The following CTCF variants were observed in gnomAD, a reference collection of about 807,000 sequenced individuals.
CTCF encodes the protein CCCTC-binding factor, also known as transcriptional repressor CTCF.
In CTCF, 7 loss-of-function variants were observed where a neutral mutation model predicts 72.3. The ratio of observed to expected loss-of-function variants is 0.10; its 90% CI spans 0.06 to 0.18. The LOEUF is 0.18. Ranked by LOEUF, CTCF falls within the 10% of genes least tolerant of loss-of-function variation. The probability of loss-of-function intolerance (pLI) is 1.00; values close to 1 mark genes in which losing one functional copy is unlikely to be tolerated. For synonymous variants in CTCF, 374 were observed against 315.8 expected (o/e 1.18, Z -1.95); for missense variants, 516 against 949.1 (o/e 0.54, Z 6.00).
chr16:67,577,429 A>C (rs901484222), intron 2 of CTCF, among the ~76,000 whole-genome samples: 5 of 146,808 alleles, frequency 3.4e-5, no homozygotes, highest in Non-Finnish European at 7.4e-5. Flanking sequence ...AGTAATGTCT[A>C]GACTTCTTTT....
chr16:67,628,348 CT>C, intron 8 of CTCF, 21 bp from the exon 9 acceptor site: 1 of 1,607,618 alleles, frequency 6.2e-7, no homozygotes, highest in Non-Finnish European at 8.5e-7. Context: ...GCTCTGAGGC[CT>C]TTCCCCCTAT....
intron 2 of CTCF, among the ~76,000 whole-genome samples, chr16:67,605,692 A>G (rs1416137743): frequency 6.6e-6 from 1 of 152,234 alleles, no homozygotes; most frequent in Non-Finnish European, 1.5e-5. Flanking sequence ...TTTAAGTGCT[A>G]AACTGTGTCC....
At chr16:67,577,126 G>A (rs1157589685) in intron 2 of CTCF, among the ~76,000 whole-genome samples, 1 of 151,894 alleles carries the variant, frequency 6.6e-6, no homozygotes, top group African/African-American at 2.4e-5. Flanking sequence ...TCTGATAAAG[G>A]TAATGAAATG....
At position 67,628,402 on chromosome 16, in the gene CTCF, C is replaced by T; in HGVS notation, c.1551C>T (p.His517=). 6.2e-7 allele frequency: 1 copy of T among 1,614,232 alleles called. No individual in the cohort carries two copies. The highest frequency in any genetic ancestry group is 8.5e-7 in the Non-Finnish European group (1 of 1,180,050). Residue 517 remains histidine (H), a synonymous_variant, in exon 9 of 12, where the codon CAC becomes CAT. Coordinates refer to ENST00000264010, the MANE Select transcript of CTCF (RefSeq NM_006565.4). ...ACATGATCATGCACAAGCGCACCCA[C>T]ACCGGGGAGAAGCCTTACGCCTGCA... ...ERHMIMHKRT[H]TGEKPYACSH...
At chr16:67,624,873 T>A (rs1331443786) in intron 7 of CTCF, among the ~76,000 whole-genome samples, 1 of 151,698 alleles carries the variant, frequency 6.6e-6, no homozygotes, top group African/African-American at 2.4e-5. Flanking sequence ...GGATTACAGG[T>A]GTGAGCCACC....
In CTCF at chr16:67,635,147, G is replaced by A. The variant is rs143413329; in HGVS notation, c.1838-1543G>A. On this transcript the variant is annotated intron_variant, in intron 10 of 11. Coordinates refer to ENST00000264010, the MANE Select transcript of CTCF (RefSeq NM_006565.4). Reference sequence around the variant, plus strand: ...AGTGATTCCACTGCCTCAGCCTCCCGAGTAGCTGGGACTACAGGCATGCAT... The same window carrying A: ...AGTGATTCCACTGCCTCAGCCTCCCAAGTAGCTGGGACTACAGGCATGCAT... Among the ~76,000 whole-genome samples the A allele has an allele frequency of 7.3e-3, 1,104 of 151,794 alleles. 17 individuals are homozygous for A. Among genetic ancestry groups the A allele is most frequent in the African/African-American group, 0.025 (1,034 of 41,390 alleles).
chr16:67,620,976 C>T (rs576090487), intron 6 of CTCF, 159 bp downstream of exon 6: 86 of 547,326 alleles, frequency 1.6e-4, no homozygotes, highest in East Asian at 2.6e-4. Flanking sequence ...CCTCTGAATT[C>T]GTTGTTCAGA....
intron 2 of CTCF, among the ~76,000 whole-genome samples, chr16:67,592,433 CA>C: frequency 6.6e-6 from 1 of 151,586 alleles, no homozygotes; most frequent in South Asian, 2.1e-4. Context: ...AGGCCAGGCA[CA>C]GTGGCTCATG....
At chr16:67,593,154 G>T (rs2051768688) in intron 2 of CTCF, among the ~76,000 whole-genome samples, 2 of 151,234 alleles carry the variant, frequency 1.3e-5, no homozygotes, top group Admixed American at 6.6e-5. Context: ...AGAGAAAGGT[G>T]CAAGGTATCT....
At chr16:67,630,794 G>A (rs2052352616) in intron 10 of CTCF, among the ~76,000 whole-genome samples, 1 of 152,108 alleles carries the variant, frequency 6.6e-6, no homozygotes, top group South Asian at 2.1e-4. Flanking sequence ...AAAGAGGGTG[G>A]AGGAACAAGA....
chr16:67,613,306 C>G (rs951004960), intron 4 of CTCF, among the ~76,000 whole-genome samples: 1 of 152,080 alleles, frequency 6.6e-6, no homozygotes. Context: ...TAATGACAAC[C>G]CTTGTTTTAG....
intron 2 of CTCF, among the ~76,000 whole-genome samples, chr16:67,607,329 C>T (rs991039858): frequency 4.7e-5 from 7 of 149,836 alleles, no homozygotes; most frequent in African/African-American, 1.5e-4. Context: ...TTTTTGAGAC[C>T]GAGTCTCACT....
In CTCF at chr16:67,626,735, G is replaced by A; in HGVS notation, c.1518+20G>A. 7.2e-7 allele frequency: 1 copy of A among 1,386,196 alleles called. No individual in the cohort carries two copies. The highest frequency in any genetic ancestry group is 9.5e-7 in the Non-Finnish European group (1 of 1,057,650). The allele number at this position is 1,386,196 out of a possible 1,614,324, so 85.9% of individuals were successfully genotyped here. A position where few individuals can be genotyped will look rare whatever the true frequency, so the allele number is the denominator to read the frequency against. On this transcript the variant is annotated intron_variant, in intron 8 of 11. Coordinates refer to ENST00000264010, the MANE Select transcript of CTCF (RefSeq NM_006565.4). ...AGACAGGTAGGAACCTTCATTGAAAGTTGTTGGTGCTTTCTCGGTGTCTGG... is the reference window on the plus strand; with the variant it reads ...AGACAGGTAGGAACCTTCATTGAAAATTGTTGGTGCTTTCTCGGTGTCTGG...
At chr16:67,617,152 G>T (rs77219566) in intron 5 of CTCF, among the ~76,000 whole-genome samples, 1 of 151,876 alleles carries the variant, frequency 6.6e-6, no homozygotes. Flanking sequence ...ACCTGAGGTC[G>T]GGAGTTGGAG....
chr16:67,626,871 C>T, intron 8 of CTCF, 156 bp downstream of exon 8: 1 of 450,080 alleles, frequency 2.2e-6, no homozygotes, highest in Non-Finnish European at 3.7e-6. Context: ...TGCTCCTTGT[C>T]AATTGTGTCA....
At chr16:67,592,198 G>T (rs2051753930) in intron 2 of CTCF, among the ~76,000 whole-genome samples, 1 of 152,072 alleles carries the variant, frequency 6.6e-6, no homozygotes, top group Admixed American at 6.6e-5. Context: ...CATCACCTGA[G>T]GTCAGGAGTT....
chr16:67,593,471 C>T (rs1473051604), intron 2 of CTCF, among the ~76,000 whole-genome samples: 2 of 152,106 alleles, frequency 1.3e-5, no homozygotes, highest in Admixed American at 6.6e-5. Context: ...CCTTAATTCG[C>T]TTAGGATAAT....
intron 7 of CTCF, 100 bp downstream of exon 7, chr16:67,621,691 C>A: frequency 2.5e-5 from 20 of 788,916 alleles, no homozygotes; most frequent in African/African-American, 3.6e-5. Context: ...ACTCTCATAA[C>A]ATTTTATGTA....
chr16:67,637,250 A>G (rs892039496), intron 11 of CTCF, among the ~76,000 whole-genome samples: 1 of 152,162 alleles, frequency 6.6e-6, no homozygotes, highest in African/African-American at 2.4e-5. Context: ...TAAGAAACTC[A>G]GGGTCAGGCG....
Sources: allele counts gnomAD v4.1 joint callset (sites outside exome capture counted in the v4.1 genomes callset), GRCh38; gene constraint gnomAD v4.1.1; transcripts MANE v1.5; gene names NCBI Gene and HGNC (gene_info 2026-07-23, HGNC 2026-07-21).